CRACDL: variants seen among roughly 807,000 people sequenced by gnomAD.
CRACDL encodes the protein CRACD like.
A neutral mutation model predicts 70.6 loss-of-function variants in CRACDL; 26 were observed. The observed-to-expected ratio is 0.37, with a 90% CI of 0.27 to 0.51. CRACDL has a LOEUF of 0.51. Ranked by LOEUF, CRACDL falls within the 20% of genes least tolerant of loss-of-function variation. The pLI is 0.94. For missense variants in CRACDL, 1,283 were observed against 1,376.9 expected (o/e 0.93, Z 1.08); for synonymous variants, 618 against 615.2 (o/e 1.00, Z -0.07).
chr2:98,926,123 C>G lies in CRACDL; in HGVS notation c.-11+9815G>C, dbSNP rs559882273. On this transcript the variant is annotated intron_variant, in intron 1 of 9. Coordinates refer to ENST00000397899, the MANE Select transcript of CRACDL (RefSeq NM_207362.3). ...CTTCATAATGCACAATCAACACTTA[C>G]CCCTCAAAATTGAAGAAAACCAGCT... 3.0e-4 allele frequency among the ~76,000 whole-genome samples: 45 copies of G among 152,226 alleles called. No homozygotes were observed. In the South Asian group the frequency reaches 3.3e-3, roughly 11 times the overall value.
intron 1 of CRACDL, among the ~76,000 whole-genome samples, chr2:98,855,280 CA>C (rs1706651391): frequency 6.9e-6 from 1 of 144,064 alleles, no homozygotes; most frequent in Non-Finnish European, 1.5e-5. Context: ...AGCAAGACTC[CA>C]TCTCAAAAAA....
At chr2:98,846,154 G>T (rs1300261131) in intron 2 of CRACDL, among the ~76,000 whole-genome samples, 2 of 152,156 alleles carry the variant, frequency 1.3e-5, no homozygotes, top group Non-Finnish European at 1.5e-5. Context: ...ACTCTATCAG[G>T]ACATAAATAG....
intron 7 of CRACDL, among the ~76,000 whole-genome samples, chr2:98,812,346 T>C (rs1041540010): frequency 7.9e-5 from 12 of 152,230 alleles, no homozygotes; most frequent in African/African-American, 2.9e-4. Flanking sequence ...TACATTTCCA[T>C]TTATCTAGGA....
At chr2:98,876,404 C>T (rs930966723) in intron 1 of CRACDL, among the ~76,000 whole-genome samples, 4 of 152,112 alleles carry the variant, frequency 2.6e-5, no homozygotes, top group Non-Finnish European at 4.4e-5. Context: ...GCAGGCCACA[C>T]GGCAGGAGGT....
At chr2:98,807,936 T>A (rs1336574841) in intron 7 of CRACDL, among the ~76,000 whole-genome samples, 1 of 152,232 alleles carries the variant, frequency 6.6e-6, no homozygotes, top group East Asian at 1.9e-4. Context: ...TATTTGCTAG[T>A]GACAGCCCTG....
chr2:98,837,347 C>T (rs1414608272), intron 3 of CRACDL, among the ~76,000 whole-genome samples: 1 of 151,818 alleles, frequency 6.6e-6, no homozygotes, highest in African/African-American at 2.4e-5. Flanking sequence ...CAGGACACCA[C>T]TATTGGGATG....
At chr2:98,858,048 T>G (rs1265025355) in intron 1 of CRACDL, among the ~76,000 whole-genome samples, 1 of 152,162 alleles carries the variant, frequency 6.6e-6, no homozygotes, top group African/African-American at 2.4e-5. Flanking sequence ...GTGGAAATTA[T>G]GCGATGAACT....
Position 98,861,760 on chromosome 2 carries a change from G to A in CRACDL, c.-10-14950C>T, listed in dbSNP as rs548977448. On this transcript the variant is annotated intron_variant, in intron 1 of 9. Coordinates refer to ENST00000397899, the MANE Select transcript of CRACDL (RefSeq NM_207362.3). ...GAAGGCTTGCAACTTCCAAGGGAAGGACTGGGGGGTACATTGTGGTTAATT... is the reference window on the plus strand; with the variant it reads ...GAAGGCTTGCAACTTCCAAGGGAAGAACTGGGGGGTACATTGTGGTTAATT... 7.9e-5 allele frequency among the ~76,000 whole-genome samples: 12 copies of A among 152,308 alleles called. No homozygotes were observed. The South Asian group carries it at 1.9e-3, about 24-fold the overall frequency.
chr2:98,846,786 C>T lies in CRACDL; in HGVS notation c.15G>A (p.Arg5=). 1 of 1,614,166 alleles carries T rather than the reference C, an allele frequency of 6.2e-7. No individual in the cohort carries two copies. MIST[R]VMDIKLREAA... ...CCTCCCGAAGCTTAATGTCCATCAC[C>T]CTTGTGGAAATCATGTCAAGCTCGC... The change falls in exon 2 of 10, where the codon AGG becomes AGA. Residue 5 remains arginine (R), a synonymous_variant. Transcript: ENST00000397899.
At position 98,812,506 on chromosome 2, in the gene CRACDL, T is replaced by C. The variant is rs1274898716; in HGVS notation, c.2416+9351A>G. Among the ~76,000 whole-genome samples, 4 of 152,236 alleles carry C rather than the reference T, an allele frequency of 2.6e-5. No individual in the cohort carries two copies. The East Asian group carries it at 7.7e-4, about 29-fold the overall frequency. ...TGAGAATTGCATTTTCTCCACATCC[T>C]CACAAGCACAATGGTATTATTAATA... On this transcript the variant is annotated intron_variant, in intron 7 of 9. Transcript: ENST00000397899.
At chr2:98,909,171 G>T (rs1052351728) in intron 1 of CRACDL, among the ~76,000 whole-genome samples, 1 of 152,196 alleles carries the variant, frequency 6.6e-6, no homozygotes, top group Admixed American at 6.5e-5. Context: ...GCTGTCAAGC[G>T]ATTGCTATGT....
intron 6 of CRACDL, among the ~76,000 whole-genome samples, chr2:98,824,489 C>G (rs1705227852): frequency 6.6e-6 from 1 of 152,140 alleles, no homozygotes; most frequent in Non-Finnish European, 1.5e-5. Flanking sequence ...CTCCTATTGT[C>G]ACAAAGTCAG....
At chr2:98,889,078 A>G (rs374986470) in intron 1 of CRACDL, among the ~76,000 whole-genome samples, 2 of 149,932 alleles carry the variant, frequency 1.3e-5, no homozygotes, top group African/African-American at 4.9e-5. Context: ...CAGAGAGCCG[A>G]GATCATGCCA....
At chr2:98,897,635 T>C (rs764637790) in intron 1 of CRACDL, among the ~76,000 whole-genome samples, 25 of 152,230 alleles carry the variant, frequency 1.6e-4, no homozygotes, top group Non-Finnish European at 1.0e-4. Flanking sequence ...TTGGGAGATA[T>C]AGTTAAGACT....
chr2:98,913,477 G>A (rs1330798435), intron 1 of CRACDL, among the ~76,000 whole-genome samples: 1 of 152,162 alleles, frequency 6.6e-6, no homozygotes, highest in East Asian at 1.9e-4. Flanking sequence ...TACAAGACTG[G>A]AGCCTGTGGG....
Position 98,794,671 on chromosome 2 carries a change from G to T in CRACDL, c.2750C>A (p.Ala917Asp). 1 of 1,609,270 alleles carries T rather than the reference G, an allele frequency of 6.2e-7. No homozygotes were observed. Among genetic ancestry groups the T allele is most frequent in the Non-Finnish European group, 8.5e-7 (1 of 1,176,616 alleles). The part of the protein sequence containing the change: ...RGISLSHQNL[A>D]QSAVMMEKEL... ...CTTCTCCATCATCACTGCAGACTGA[G>T]CTGCTTGGAAGGGAGACAAAACCAA... The change falls in exon 10 of 10, where the codon GCT (alanine) becomes GAT (aspartate). Residue 917 changes from alanine to aspartate, a missense_variant and splice_region_variant. Coordinates refer to ENST00000397899, the MANE Select transcript of CRACDL (RefSeq NM_207362.3).
intron 7 of CRACDL, among the ~76,000 whole-genome samples, chr2:98,815,517 T>A (rs1416056788): frequency 6.6e-6 from 1 of 152,062 alleles, no homozygotes; most frequent in Non-Finnish European, 1.5e-5. Context: ...CAGGACAGAG[T>A]GGCAAGGGAA....
At chr2:98,918,341 T>C (rs1708714734) in intron 1 of CRACDL, among the ~76,000 whole-genome samples, 1 of 151,982 alleles carries the variant, frequency 6.6e-6, no homozygotes, top group African/African-American at 2.4e-5. Flanking sequence ...GAGACCAGCC[T>C]GGCCAACATG....
chr2:98,855,803 A>T (rs1011862252), intron 1 of CRACDL, among the ~76,000 whole-genome samples: 1 of 152,248 alleles, frequency 6.6e-6, no homozygotes, highest in Non-Finnish European at 1.5e-5. Flanking sequence ...CTATAAAAAT[A>T]AACAAACTGA....
Sources: allele counts gnomAD v4.1 joint callset (sites outside exome capture counted in the v4.1 genomes callset), GRCh38; gene constraint gnomAD v4.1.1; transcripts MANE v1.5; gene names NCBI Gene and HGNC (gene_info 2026-07-23, HGNC 2026-07-21).